EHBP1: variants seen among roughly 807,000 people sequenced by gnomAD.
The protein encoded by EHBP1 is EH domain-binding protein 1.
EHBP1 carries 55 observed loss-of-function variants against 144.0 expected under a neutral mutation model. The observed-to-expected ratio is 0.38, with a 90% CI of 0.31 to 0.48. The LOEUF is 0.48. Ranked by LOEUF, EHBP1 falls within the 20% of genes least tolerant of loss-of-function variation. EHBP1 has a pLI of 0.98. For synonymous variants in EHBP1, 469 were observed against 472.7 expected (o/e 0.99, Z 0.10); for missense variants, 1,200 against 1,364.2 (o/e 0.88, Z 1.90).
chr2:62,879,635 T>TG (rs1041075952), intron 10 of EHBP1, among the ~76,000 whole-genome samples: 1 of 149,124 alleles, frequency 6.7e-6, no homozygotes, highest in African/African-American at 2.5e-5. Flanking sequence ...AGAGAGCCTA[T>TG]GAATACAGCT....
intron 19 of EHBP1, among the ~76,000 whole-genome samples, chr2:63,034,435 A>T (rs1178097465): frequency 6.6e-6 from 1 of 152,058 alleles, no homozygotes; most frequent in Non-Finnish European, 1.5e-5. Flanking sequence ...CAAATTAAAG[A>T]TAATTTTGAA....
At chr2:62,824,783 G>A (rs1163370020) in intron 5 of EHBP1, among the ~76,000 whole-genome samples, 2 of 151,510 alleles carry the variant, frequency 1.3e-5, no homozygotes, top group Admixed American at 6.6e-5. Flanking sequence ...TGTTTCGCTG[G>A]GTAGAAATAT....
At chr2:62,751,104 G>A (rs1408483742) in intron 3 of EHBP1, among the ~76,000 whole-genome samples, 7 of 152,166 alleles carry the variant, frequency 4.6e-5, no homozygotes, top group African/African-American at 1.7e-4. Context: ...CATTCAGTAT[G>A]ATATTGGCTG....
chr2:62,952,432 G>A (rs1438383777), intron 13 of EHBP1, among the ~76,000 whole-genome samples: 1 of 152,080 alleles, frequency 6.6e-6, no homozygotes, highest in Non-Finnish European at 1.5e-5. Context: ...AATTGACAGC[G>A]TTTGTTCTTT....
chr2:62,687,663 C>T (rs1350680227), intron 1 of EHBP1, among the ~76,000 whole-genome samples: 1 of 152,202 alleles, frequency 6.6e-6, no homozygotes, highest in African/African-American at 2.4e-5. Flanking sequence ...GATTGATGTG[C>T]CAATCTAAGT....
At chr2:62,824,884 A>G (rs1292233261) in intron 5 of EHBP1, among the ~76,000 whole-genome samples, 1 of 151,994 alleles carries the variant, frequency 6.6e-6, no homozygotes, top group Non-Finnish European at 1.5e-5. Context: ...AGAAATAAAG[A>G]TTTATTAAAT....
rs532715462 is a variant in EHBP1 at position 62,920,544 on chromosome 2, A to G, written c.1186-22174A>G. On this transcript the variant is annotated intron_variant, in intron 10 of 22. Transcript: ENST00000431489. ...AGACATGTAAAATAATAAAGATCCC[A>G]GAAAAGGTAGATAGGTGGGCAATTA... 2.0e-5 allele frequency among the ~76,000 whole-genome samples: 3 copies of G among 152,360 alleles called. No individual in the cohort carries two copies. In the South Asian group the frequency reaches 6.2e-4, roughly 32 times the overall value.
intron 3 of EHBP1, among the ~76,000 whole-genome samples, chr2:62,763,673 G>A (rs1157321218): frequency 6.6e-6 from 1 of 152,024 alleles, no homozygotes; most frequent in Non-Finnish European, 1.5e-5. Context: ...CCCAAATTTT[G>A]GAGTGTGGAG....
At chr2:63,022,701 G>C (rs776191926) in intron 19 of EHBP1, among the ~76,000 whole-genome samples, 1 of 152,188 alleles carries the variant, frequency 6.6e-6, no homozygotes, top group East Asian at 1.9e-4. Context: ...TCATAGGCCT[G>C]TAGGTGGTTT....
At chr2:62,791,913 A>G (rs2043188709) in intron 5 of EHBP1, among the ~76,000 whole-genome samples, 1 of 151,998 alleles carries the variant, frequency 6.6e-6, no homozygotes, top group Admixed American at 6.6e-5. Flanking sequence ...TAATGTATAA[A>G]TTTCCATCCT....
chr2:62,873,918 C>T (rs1420967016), intron 9 of EHBP1, among the ~76,000 whole-genome samples: 10 of 151,940 alleles, frequency 6.6e-5, no homozygotes, highest in East Asian at 1.9e-4. Context: ...AAACATGTTC[C>T]GTAATGAGGG....
intron 1 of EHBP1, among the ~76,000 whole-genome samples, chr2:62,677,084 T>TG (rs1188518872): frequency 2.0e-5 from 3 of 151,942 alleles, no homozygotes. Context: ...CAGGTAGAGC[T>TG]GGGGGGCAAG....
intron 10 of EHBP1, among the ~76,000 whole-genome samples, chr2:62,932,426 TG>T (rs2056074784): frequency 6.6e-6 from 1 of 152,144 alleles, no homozygotes. Context: ...TGCTATGACA[TG>T]GATTAATCTT....
intron 14 of EHBP1, 27 bp downstream of exon 14, chr2:62,955,687 A>T: frequency 6.3e-7 from 1 of 1,583,838 alleles, no homozygotes; most frequent in East Asian, 2.3e-5. Context: ...AAAAAAGACC[A>T]TAAGTTGTTC....
At chr2:63,021,590 C>T (rs943957538) in intron 19 of EHBP1, among the ~76,000 whole-genome samples, 5 of 152,124 alleles carry the variant, frequency 3.3e-5, no homozygotes, top group Non-Finnish European at 7.4e-5. Context: ...TCTGTTTCAT[C>T]CTGACTTCAT....
chr2:62,685,721 G>A (rs145587384), intron 1 of EHBP1, among the ~76,000 whole-genome samples: 111 of 152,206 alleles, frequency 7.3e-4, no homozygotes, highest in Non-Finnish European at 1.4e-3. Context: ...GCTTATAAGC[G>A]GCAGCACCTT....
intron 10 of EHBP1, among the ~76,000 whole-genome samples, chr2:62,883,622 A>T (rs1310136923): frequency 6.6e-6 from 1 of 152,184 alleles, no homozygotes; most frequent in Non-Finnish European, 1.5e-5. Flanking sequence ...AGGCTGGAAG[A>T]TTGCTTGAGC....
chr2:62,832,832 C>A (rs966953700), intron 7 of EHBP1, among the ~76,000 whole-genome samples: 1 of 152,106 alleles, frequency 6.6e-6, no homozygotes, highest in African/African-American at 2.4e-5. Context: ...AATAACCCTG[C>A]AATGCCTATG....
chr2:62,975,871 A>G (rs539331943), intron 14 of EHBP1, among the ~76,000 whole-genome samples: 104 of 139,978 alleles, frequency 7.4e-4, no homozygotes, highest in Non-Finnish European at 1.4e-3. Context: ...TTCAGCCTGG[A>G]TGGGTTTACT....
Sources: allele counts gnomAD v4.1 joint callset (sites outside exome capture counted in the v4.1 genomes callset), GRCh38; gene constraint gnomAD v4.1.1; transcripts MANE v1.5; gene names NCBI Gene and HGNC (gene_info 2026-07-23, HGNC 2026-07-21).